The following SYT1 variants were observed in gnomAD, a reference collection of about 807,000 sequenced individuals.
The protein encoded by SYT1 is synaptotagmin 1.
In SYT1, 8 loss-of-function variants were observed where a neutral mutation model predicts 44.8. The ratio of observed to expected loss-of-function variants is 0.18; its 90% CI spans 0.10 to 0.32. The LOEUF (loss-of-function observed/expected upper bound fraction) is 0.32, where lower values mean the gene tolerates loss of function less well. Among genes scored for constraint, SYT1 ranks in the 10% least tolerant of loss-of-function variants. The pLI is 1.00. For missense variants in SYT1, 286 were observed against 509.3 expected, an observed-to-expected ratio of 0.56 and a Z score of 4.22; for synonymous variants, 154 against 188.8, an observed-to-expected ratio of 0.82 and a Z score of 1.51.
intron 2 of SYT1, among the ~76,000 whole-genome samples, chr12:79,039,920 A>G (rs558422608): frequency 1.1e-3 from 156 of 143,844 alleles, no homozygotes; most frequent in Non-Finnish European, 1.4e-3. Context: ...ATGATTTCCA[A>G]TTTCATCCAT....
chr12:79,326,042 T>G (rs1394636915), intron 8 of SYT1, among the ~76,000 whole-genome samples: 3 of 152,178 alleles, frequency 2.0e-5, no homozygotes, highest in Non-Finnish European at 4.4e-5. Flanking sequence ...TTAAAGCATG[T>G]GCCGTAAAAT....
chr12:79,423,625 T>A (rs1203439256), intron 9 of SYT1, among the ~76,000 whole-genome samples: 1 of 152,166 alleles, frequency 6.6e-6, no homozygotes, highest in East Asian at 1.9e-4. Context: ...GGACTTAAAC[T>A]GTGGAATAGT....
At chr12:79,196,164 TTGTTGTTGTTG>T (rs1873441721) in intron 3 of SYT1, among the ~76,000 whole-genome samples, 1 of 70,606 alleles carries the variant, frequency 1.4e-5, no homozygotes, top group African/African-American at 6.5e-5. Context: ...GTTGTTGTTG[TTGTTGTTGTTG>T]TTGTTGTTGT....
At chr12:79,366,894 C>CTG (rs3995413) in intron 9 of SYT1, among the ~76,000 whole-genome samples, 13,984 of 117,172 alleles carry the variant, frequency 0.12, 844 homozygotes, top group Non-Finnish European at 0.13. Context: ...ATAAATAATA[C>CTG]TGTGTGTGTG....
intron 3 of SYT1, among the ~76,000 whole-genome samples, chr12:79,126,264 G>GTTTT (rs1230113297): frequency 3.3e-5 from 5 of 151,930 alleles, no homozygotes; most frequent in Non-Finnish European, 5.9e-5. Flanking sequence ...GTTTTGTTTT[G>GTTTT]TTTTTGTTTT....
At chr12:78,973,938 A>AATATATATATAT (rs869290804) in intron 1 of SYT1, among the ~76,000 whole-genome samples, 1 of 25,324 alleles carries the variant, frequency 3.9e-5, no homozygotes, top group Admixed American at 7.6e-4. Flanking sequence ...AAAAAAAAAA[A>AATATATATATAT]ATATATATAT....
chr12:79,083,912 A>G (rs1021871760), intron 3 of SYT1, among the ~76,000 whole-genome samples: 7 of 152,106 alleles, frequency 4.6e-5, no homozygotes, highest in Non-Finnish European at 1.0e-4. Context: ...TTATTTTTGT[A>G]TTTCATAAAA....
intron 3 of SYT1, among the ~76,000 whole-genome samples, chr12:79,178,129 T>A (rs1237906626): frequency 1.3e-5 from 2 of 152,150 alleles, no homozygotes; most frequent in African/African-American, 4.8e-5. Context: ...TAATATTCTC[T>A]TCCCAGGATA....
chr12:78,950,472 A>G (rs534877092), intron 1 of SYT1, among the ~76,000 whole-genome samples: 3 of 152,252 alleles, frequency 2.0e-5, no homozygotes, highest in South Asian at 2.1e-4. Context: ...TGTGGAATAT[A>G]TAGGAACTGC....
Position 79,121,588 on chromosome 12 carries a change from C to T in SYT1, c.-18+74226C>T, listed in dbSNP as rs138958311. On this transcript the variant is annotated intron_variant, in intron 3 of 10. Coordinates refer to ENST00000261205, the MANE Select transcript of SYT1 (RefSeq NM_005639.3). ...CTCAGGACTTGCTAACCACAATCAC[C>T]CCCTCACCCCATAACCTGCTCCCAT... is the stretch of plus-strand genomic sequence containing the variant. Among the ~76,000 whole-genome samples the T allele has an allele frequency of 5.0e-3, 768 of 152,260 alleles. 6 individuals carry two copies. The highest frequency in any genetic ancestry group is 0.014 in the Middle Eastern group (4 of 294).
chr12:78,905,300 C>G (rs535255767), intron 1 of SYT1, among the ~76,000 whole-genome samples: 5 of 152,284 alleles, frequency 3.3e-5, no homozygotes, highest in African/African-American at 1.2e-4. Flanking sequence ...CTTACCTACA[C>G]ACTTCCACAT....
chr12:79,248,527 G>A lies in SYT1; in HGVS notation c.166+30842G>A, dbSNP rs531594092. ...ATGGAAATATCAAAAGGAAGGAGAA[G>A]TATGGTGTTTGTGAAAATGAAAAAG... is the stretch of plus-strand genomic sequence containing the variant. On this transcript the variant is annotated intron_variant, in intron 4 of 10. Coordinates refer to ENST00000261205, the MANE Select transcript of SYT1 (RefSeq NM_005639.3). Among the ~76,000 whole-genome samples, 147 of 152,300 alleles carry A rather than the reference G, an allele frequency of 9.7e-4. 3 individuals carry two copies. The highest frequency in any genetic ancestry group is 1.0e-4 in the Non-Finnish European group (7 of 68,024).
At position 79,303,208 on chromosome 12, in the gene SYT1, T is replaced by G. The variant is rs150897604; in HGVS notation, c.810+3657T>G. The stretch of plus-strand genomic sequence containing the variant: ...ACTCCATTTTTCCCTTCTTATAAAT[T>G]TCACTTATGTGCAGTTTTAAAATTG... On this transcript the variant is annotated intron_variant, in intron 8 of 10. Transcript: ENST00000261205. 1.5e-3 allele frequency among the ~76,000 whole-genome samples: 235 copies of G among 152,290 alleles called. 1 individual carries two copies. Among genetic ancestry groups the G allele is most frequent in the African/African-American group, 5.5e-3 (227 of 41,554 alleles).
intron 3 of SYT1, among the ~76,000 whole-genome samples, chr12:79,190,327 A>G (rs375124589): frequency 1.3e-5 from 2 of 152,264 alleles, no homozygotes; most frequent in South Asian, 4.2e-4. Context: ...ACTTTCTCAG[A>G]AAGCTCAGCA....
chr12:79,219,857 G>A (rs1286781565), intron 4 of SYT1, among the ~76,000 whole-genome samples: 1 of 151,920 alleles, frequency 6.6e-6, no homozygotes, highest in Non-Finnish European at 1.5e-5. Context: ...GGATTTGTGT[G>A]GTTCCATACA....
At chr12:79,132,200 C>G (rs1261201445) in intron 3 of SYT1, among the ~76,000 whole-genome samples, 1 of 152,090 alleles carries the variant, frequency 6.6e-6, no homozygotes, top group Non-Finnish European at 1.5e-5. Flanking sequence ...CCTCTAATCC[C>G]AGCACTTTGG....
At chr12:78,993,314 G>A (rs1870146712) in intron 2 of SYT1, among the ~76,000 whole-genome samples, 1 of 152,212 alleles carries the variant, frequency 6.6e-6, no homozygotes, top group Non-Finnish European at 1.5e-5. Context: ...AGAAAAGGCA[G>A]TAATGTTCAA....
chr12:79,424,610 T>C (rs1869322978), intron 9 of SYT1, among the ~76,000 whole-genome samples: 1 of 152,166 alleles, frequency 6.6e-6, no homozygotes, highest in Admixed American at 6.5e-5. Flanking sequence ...CACTGCTTTT[T>C]GAGGCTTTTT....
At chr12:79,186,741 T>C (rs1372345352) in intron 3 of SYT1, among the ~76,000 whole-genome samples, 5 of 152,072 alleles carry the variant, frequency 3.3e-5, no homozygotes, top group Non-Finnish European at 7.4e-5. Context: ...AAATTGTAAT[T>C]TGTCATCTTC....
Sources: gnomAD v4.1 joint callset for allele counts (sites outside exome capture counted in the v4.1 genomes callset) on GRCh38, gnomAD v4.1.1 for gene constraint, MANE v1.5 for transcripts, NCBI Gene and HGNC (gene_info 2026-07-23, HGNC 2026-07-21) for gene names.